Variants in CSRNP3 observed in about 807,000 individuals in gnomAD.
The protein encoded by CSRNP3 is cysteine and serine rich nuclear protein 3.
A neutral mutation model predicts 48.0 loss-of-function variants in CSRNP3; 12 were observed. The observed-to-expected ratio is 0.25, with a 90% CI of 0.16 to 0.41. The LOEUF (loss-of-function observed/expected upper bound fraction) is 0.41, where lower values mean the gene tolerates loss of function less well. CSRNP3 is among the 10% of genes least tolerant of loss of function. The probability of loss-of-function intolerance (pLI) is 1.00; values close to 1 mark genes in which losing one functional copy is unlikely to be tolerated. For missense variants in CSRNP3, 580 were observed against 724.4 expected, an observed-to-expected ratio of 0.80 and a Z score of 2.29; for synonymous variants, 263 against 269.7, an observed-to-expected ratio of 0.98 and a Z score of 0.24.
Position 165,679,702 on chromosome 2 carries a change from A to C in CSRNP3, c.1707A>C (p.Ile569=). The C allele has an allele frequency of 6.2e-7, 1 of 1,614,070 alleles. No homozygotes were observed. The highest frequency in any genetic ancestry group is 8.5e-7 in the Non-Finnish European group (1 of 1,179,982). Residue 569 remains isoleucine (I), a synonymous_variant, in exon 7 of 7, where the codon ATA becomes ATC. Transcript: ENST00000651982. ...CTTTGAGCCTTGCAGAAAAGAGCAT[A>C]TTGCATGAAGAGTGCATCAAATCAC... The part of the protein sequence containing the change: ...ENSLSLAEKS[I]LHEECIKSPV...
intron 4 of CSRNP3, 92 bp from the exon 5 acceptor site, chr2:165,657,669 A>C: frequency 6.7e-7 from 1 of 1,491,672 alleles, no homozygotes; most frequent in Non-Finnish European, 9.2e-7. Context: ...GGTTGGCCAC[A>C]GATAGATTCA....
At chr2:165,615,975 C>A (rs1354244317) in intron 4 of CSRNP3, among the ~76,000 whole-genome samples, 1 of 148,794 alleles carries the variant, frequency 6.7e-6, no homozygotes, top group Non-Finnish European at 1.5e-5. Context: ...AAGTGATCCT[C>A]CTGCCTCAGC....
chr2:165,502,458 A>T (rs1242596931), intron 2 of CSRNP3, among the ~76,000 whole-genome samples: 1 of 152,002 alleles, frequency 6.6e-6, no homozygotes, highest in East Asian at 1.9e-4. Flanking sequence ...TGTTATTATA[A>T]TTGTTTTCTA....
chr2:165,561,086 ACTACTTGTCAAATT>A (rs1685228178), intron 3 of CSRNP3, among the ~76,000 whole-genome samples: 1 of 152,220 alleles, frequency 6.6e-6, no homozygotes, highest in Non-Finnish European at 1.5e-5. Flanking sequence ...AGTAAGGACT[ACTACTTGTCAAATT>A]CTGCCTTTGA....
chr2:165,631,147 A>G (rs1303370699), intron 4 of CSRNP3, among the ~76,000 whole-genome samples: 2 of 152,258 alleles, frequency 1.3e-5, no homozygotes, highest in Non-Finnish European at 2.9e-5. Context: ...GTTAACATAA[A>G]TCACTGGTTC....
chr2:165,600,842 T>C lies in CSRNP3; in HGVS notation c.148+5629T>C, dbSNP rs779659730. Among the ~76,000 whole-genome samples, 96 of 152,216 alleles carry C rather than the reference T, an allele frequency of 6.3e-4. 1 individual carries two copies. Among genetic ancestry groups the C allele is most frequent in the Non-Finnish European group, 1.3e-3 (89 of 68,032 alleles). ...AATATCTCATGTACCCAGTGTTTTA[T>C]AAGCACTAACATATTGTGTAACATA... is the stretch of plus-strand genomic sequence containing the variant. On this transcript the variant is annotated intron_variant, in intron 4 of 6. Coordinates refer to ENST00000651982, the MANE Select transcript of CSRNP3 (RefSeq NM_001172173.2).
At chr2:165,546,619 G>T (rs1304655345) in intron 3 of CSRNP3, among the ~76,000 whole-genome samples, 2 of 152,038 alleles carry the variant, frequency 1.3e-5, no homozygotes, top group Admixed American at 1.3e-4. Flanking sequence ...ATTTTCTGGG[G>T]GTTTTATTTT....
chr2:165,535,099 A>G (rs1053211403), intron 3 of CSRNP3, among the ~76,000 whole-genome samples: 41 of 151,934 alleles, frequency 2.7e-4, no homozygotes, highest in African/African-American at 9.4e-4. Context: ...CTTGTTAGTT[A>G]TGTTTACCAG....
chr2:165,506,183 A>G (rs16850810), intron 2 of CSRNP3, among the ~76,000 whole-genome samples: 2,413 of 152,236 alleles, frequency 0.016, 60 homozygotes, highest in African/African-American at 0.054. Context: ...AGACATACAT[A>G]TTACTCTCTT....
intron 3 of CSRNP3, among the ~76,000 whole-genome samples, chr2:165,573,010 T>G (rs1685395526): frequency 6.6e-6 from 1 of 152,124 alleles, no homozygotes; most frequent in South Asian, 2.1e-4. Context: ...ATTCAAAATT[T>G]GTTGATGTGT....
At chr2:165,508,210 A>G (rs1001814401) in intron 2 of CSRNP3, among the ~76,000 whole-genome samples, 1 of 152,078 alleles carries the variant, frequency 6.6e-6, no homozygotes, top group African/African-American at 2.4e-5. Context: ...GTAAGAATTT[A>G]TGCATTTCCT....
At chr2:165,629,283 T>C (rs546538095) in intron 4 of CSRNP3, among the ~76,000 whole-genome samples, 1 of 152,332 alleles carries the variant, frequency 6.6e-6, no homozygotes, top group East Asian at 1.9e-4. Flanking sequence ...TCTTTCCTGC[T>C]TCAGGTTCTG....
intron 4 of CSRNP3, among the ~76,000 whole-genome samples, chr2:165,656,235 C>G (rs779267658): frequency 3.9e-5 from 6 of 152,156 alleles, no homozygotes. Context: ...TTCTACAGAC[C>G]TGGGTTACTT....
chr2:165,540,833 TAC>T (rs1233630436), intron 3 of CSRNP3, among the ~76,000 whole-genome samples: 1 of 152,112 alleles, frequency 6.6e-6, no homozygotes, highest in African/African-American at 2.4e-5. Flanking sequence ...CCATCTTCTG[TAC>T]CTGGTAGTTT....
intron 4 of CSRNP3, among the ~76,000 whole-genome samples, chr2:165,642,983 A>T (rs1686749384): frequency 1.3e-5 from 2 of 152,248 alleles, no homozygotes; most frequent in Admixed American, 6.5e-5. Context: ...AGAGAGAAAG[A>T]AAGAGAGATA....
chr2:165,577,267 A>G (rs1558939043), intron 3 of CSRNP3, among the ~76,000 whole-genome samples: 3 of 151,850 alleles, frequency 2.0e-5, no homozygotes, highest in Non-Finnish European at 1.5e-5. Context: ...AAACAAAACA[A>G]TTGTCTTTTT....
intron 6 of CSRNP3, 127 bp downstream of exon 6, chr2:165,676,735 G>C (rs902603041): frequency 1.5e-6 from 1 of 684,108 alleles, no homozygotes; most frequent in Non-Finnish European, 2.5e-6. Flanking sequence ...GGCAAGACAT[G>C]TAATTCAGGA....
In CSRNP3 at chr2:165,609,101, C is replaced by T. The variant is rs186495328; in HGVS notation, c.148+13888C>T. 7.9e-3 allele frequency among the ~76,000 whole-genome samples: 1,153 copies of T among 146,838 alleles called. 17 individuals are homozygous for T. The highest frequency in any genetic ancestry group is 0.027 in the African/African-American group (1,082 of 39,780). ...CAGCCTGGGCGACAGAGCAAGACTC[C>T]GTCTCAAGAAAAAAAAAAAGTAGTG... On this transcript the variant is annotated intron_variant, in intron 4 of 6. Transcript: ENST00000651982.
At chr2:165,649,987 T>C (rs908885168) in intron 4 of CSRNP3, among the ~76,000 whole-genome samples, 7 of 152,184 alleles carry the variant, frequency 4.6e-5, no homozygotes, top group African/African-American at 1.7e-4. Flanking sequence ...TTTTAAACTC[T>C]TTATAACTGA....
Sources: allele counts gnomAD v4.1 joint callset (sites outside exome capture counted in the v4.1 genomes callset), GRCh38; gene constraint gnomAD v4.1.1; transcripts MANE v1.5; gene names NCBI Gene and HGNC (gene_info 2026-07-23, HGNC 2026-07-21).